The following MAD1L1 variants were observed in gnomAD, a reference collection of about 807,000 sequenced individuals.
MAD1L1 encodes mitotic arrest deficient 1 like 1.
In MAD1L1, 95 loss-of-function variants were observed where a neutral mutation model predicts 96.9. The ratio of observed to expected loss-of-function variants is 0.98; its 90% CI spans 0.83 to 1.16. The LOEUF (loss-of-function observed/expected upper bound fraction) is 1.16, where lower values mean the gene tolerates loss of function less well. Ranked by LOEUF, MAD1L1 falls within the 50% of genes most tolerant of loss-of-function variation. The pLI, the probability that MAD1L1 is intolerant of heterozygous loss-of-function variation, is 0.00. For missense variants in MAD1L1, 1,007 were observed against 954.4 expected (o/e 1.06, Z -0.73); for synonymous variants, 473 against 396.6 (o/e 1.19, Z -2.29).
chr7:2,103,507 G>A lies in MAD1L1; in HGVS notation c.1074-34169C>T, dbSNP rs906393506. ...CCCCCGAGGCCACTGCACAGCGGCG[G>A]GGCTCTCGACCACCGTGCTCTTTGT... On this transcript the variant is annotated intron_variant, in intron 11 of 18. Transcript: ENST00000265854. The surrounding 1 kb of genome is among the most constrained non-coding windows in gnomAD (Gnocchi z 4.3). Among the ~76,000 whole-genome samples, 1 of 152,150 alleles carries A rather than the reference G, an allele frequency of 6.6e-6. No homozygotes were observed. The highest frequency in any genetic ancestry group is 1.9e-4 in the East Asian group (1 of 5,168).
intron 13 of MAD1L1, among the ~76,000 whole-genome samples, chr7:2,012,281 C>T (rs899471891): frequency 3.9e-5 from 6 of 152,236 alleles, no homozygotes; most frequent in South Asian, 2.1e-4. Flanking sequence ...GATGTGCCCA[C>T]GGCCAGGCCC....
At chr7:2,061,520 C>A (rs1006537313) in intron 12 of MAD1L1, among the ~76,000 whole-genome samples, 1 of 152,220 alleles carries the variant, frequency 6.6e-6, no homozygotes, top group East Asian at 1.9e-4. Flanking sequence ...TACAGGCCCC[C>A]ACCAGGGAGA....
intron 11 of MAD1L1, among the ~76,000 whole-genome samples, chr7:2,100,478 C>A (rs1786721766): frequency 6.6e-6 from 1 of 152,242 alleles, no homozygotes. Flanking sequence ...CGCTTTGCTT[C>A]TGCTTTACCC....
At chr7:1,888,871 C>T (rs922026987) in intron 18 of MAD1L1, among the ~76,000 whole-genome samples, 4 of 152,178 alleles carry the variant, frequency 2.6e-5, no homozygotes, top group East Asian at 1.9e-4. Flanking sequence ...GATGCCAGTG[C>T]GAGGGCAGGG....
At chr7:1,866,310 C>T (rs949184162) in intron 18 of MAD1L1, among the ~76,000 whole-genome samples, 5 of 152,158 alleles carry the variant, frequency 3.3e-5, no homozygotes, top group Admixed American at 1.3e-4. Flanking sequence ...TAGGCCCTTG[C>T]GCTGTGGGTC....
At chr7:2,102,793 T>C (rs1046908331) in intron 11 of MAD1L1, among the ~76,000 whole-genome samples, 5 of 151,908 alleles carry the variant, frequency 3.3e-5, no homozygotes, top group African/African-American at 1.2e-4. Flanking sequence ...ATCATGGCCG[T>C]CACCGTCTCC....
At position 2,088,689 on chromosome 7, in the gene MAD1L1, A is replaced by G; in HGVS notation, c.1074-19351T>C. On this transcript the variant is annotated intron_variant, in intron 11 of 18. Transcript: ENST00000265854. The surrounding 1 kb of genome is among the most constrained non-coding windows in gnomAD (Gnocchi z 4.4). ...TCTGTCACACTCCATGCAGCTCTTC[A>G]GCCTGAAGGAAGGACACCGACGGAG... 6.6e-6 allele frequency: 1 copy of G among 152,644 alleles called. No individual in the cohort carries two copies. Among genetic ancestry groups the G allele is most frequent in the Non-Finnish European group, 1.5e-5 (1 of 68,278 alleles). The allele number at this position is 152,644 out of a possible 1,614,324, so 9.5% of individuals were successfully genotyped here. A position where few individuals can be genotyped will look rare whatever the true frequency, so the allele number is the denominator to read the frequency against.
chr7:2,121,506 C>CT (rs1367615881), intron 11 of MAD1L1, among the ~76,000 whole-genome samples: 4 of 152,238 alleles, frequency 2.6e-5, no homozygotes, highest in Non-Finnish European at 5.9e-5. Flanking sequence ...CAGGTGCTCA[C>CT]TGACACTGTC....
intron 14 of MAD1L1, among the ~76,000 whole-genome samples, chr7:1,995,815 G>A (rs1017453818): frequency 6.6e-6 from 1 of 152,058 alleles, no homozygotes; most frequent in East Asian, 1.9e-4. Context: ...ACAGAACCCC[G>A]GTGCCAGCAG....
chr7:1,980,443 G>A lies in MAD1L1; in HGVS notation c.1505+10C>T, dbSNP rs764550748. On this transcript the variant is annotated intron_variant, in intron 15 of 18. Transcript: ENST00000265854. ...CCTGGGCGTGTCCGCCTCCTCTCTG[G>A]GGGACGTACCTGAGCGTGTCCGCCT... is the stretch of plus-strand genomic sequence containing the variant. 78 of 1,608,008 alleles carry A rather than the reference G, an allele frequency of 4.9e-5. 3 individuals carry two copies. The South Asian group carries it at 8.1e-4, about 17-fold the overall frequency.
At chr7:2,032,726 T>C (rs929220636) in intron 12 of MAD1L1, among the ~76,000 whole-genome samples, 3 of 152,192 alleles carry the variant, frequency 2.0e-5, no homozygotes, top group Non-Finnish European at 4.4e-5. Context: ...CGCCCAGGGC[T>C]GTGGGCTCCC....
At chr7:1,897,771 T>C (rs10260386) in intron 18 of MAD1L1, among the ~76,000 whole-genome samples, 104,346 of 152,154 alleles carry the variant, frequency 0.69, 36,231 homozygotes, top group African/African-American at 0.8. Context: ...CTGTGCTGGC[T>C]TCTGGGACTG....
At chr7:2,030,167 A>C (rs3735212) in intron 12 of MAD1L1, among the ~76,000 whole-genome samples, 29,075 of 152,134 alleles carry the variant, frequency 0.19, 5,474 homozygotes, top group African/African-American at 0.48. Context: ...CGGAACCCAG[A>C]GCTGTGTACA....
chr7:1,977,101 G>A (rs925033007), intron 15 of MAD1L1, among the ~76,000 whole-genome samples: 4 of 152,226 alleles, frequency 2.6e-5, no homozygotes, highest in East Asian at 1.9e-4. Context: ...CCAGTCCCAC[G>A]TCACACGCCT....
intron 10 of MAD1L1, among the ~76,000 whole-genome samples, chr7:2,181,324 G>T (rs921723618): frequency 6.6e-6 from 1 of 152,222 alleles, no homozygotes; most frequent in African/African-American, 2.4e-5. Flanking sequence ...CTTGTTTCAT[G>T]ACTTTTCTGA....
chr7:2,058,657 T>G (rs1302046227), intron 12 of MAD1L1, among the ~76,000 whole-genome samples: 1 of 71,296 alleles, frequency 1.4e-5, no homozygotes, highest in Admixed American at 1.8e-4. Context: ...GGAGAGGGAG[T>G]GTGGCCAGAG....
At chr7:1,954,345 G>C (rs1219522761) in intron 16 of MAD1L1, among the ~76,000 whole-genome samples, 2 of 152,110 alleles carry the variant, frequency 1.3e-5, no homozygotes, top group Non-Finnish European at 2.9e-5. Context: ...ACAGAGCTGT[G>C]GCCCACCCCA....
chr7:1,902,018 G>A (rs182354993), intron 17 of MAD1L1, among the ~76,000 whole-genome samples: 3 of 152,346 alleles, frequency 2.0e-5, no homozygotes, highest in Admixed American at 2.0e-4. Context: ...TGAGGGGCAA[G>A]AGAGGAGGAA....
intron 11 of MAD1L1, among the ~76,000 whole-genome samples, chr7:2,109,065 G>A (rs1430367095): frequency 6.6e-6 from 1 of 152,238 alleles, no homozygotes; most frequent in African/African-American, 2.4e-5. Context: ...CCGCTCTGCA[G>A]CTCAGAGCTG....
Sources: gnomAD v4.1 joint callset for allele counts (sites outside exome capture counted in the v4.1 genomes callset) on GRCh38, gnomAD v4.1.1 for gene constraint, Gnocchi (gnomAD v3.1) non-coding constraint, MANE v1.5 for transcripts, NCBI Gene and HGNC (gene_info 2026-07-23, HGNC 2026-07-21) for gene names.